RAB33A: variants seen among roughly 807,000 people sequenced by gnomAD.
RAB33A encodes RAB33A, member RAS oncogene family.
RAB33A carries 6 observed loss-of-function variants against 12.0 expected under a neutral mutation model. That is an observed-to-expected ratio of 0.50 (90% confidence interval 0.27 to 0.99). The LOEUF is 0.99. RAB33A is among the 50% of genes least tolerant of loss of function. The probability of loss-of-function intolerance (pLI) is 0.11; values close to 1 mark genes in which losing one functional copy is unlikely to be tolerated. For synonymous variants in RAB33A, 70 were observed against 82.4 expected (o/e 0.85, Z 0.81); for missense variants, 109 against 192.0 (o/e 0.57, Z 2.55).
chrX:130,146,099 C>T, the RAB33A span, among the ~76,000 whole-genome samples: 4 of 111,364 alleles, frequency 3.6e-5, no homozygotes, highest in Non-Finnish European at 7.5e-5. Context: ...GAAGACTCTG[C>T]CTCAAGCAGT....
chrX:130,165,651 G>C, the RAB33A span: 5 of 1,192,289 alleles, frequency 4.2e-6, no homozygotes, highest in Non-Finnish European at 5.7e-6. Context: ...CTCCACACCG[G>C]AACATTTCGG....
chrX:130,140,020 G>T, the RAB33A span: 1 of 543,013 alleles, frequency 1.8e-6, no homozygotes, highest in Non-Finnish European at 3.2e-6. Flanking sequence ...TTTGCCTTCA[G>T]CTTGCCTCAC....
At chrX:130,158,604 G>C in the RAB33A span, among the ~76,000 whole-genome samples, 1 of 107,271 alleles carries the variant, frequency 9.3e-6, no homozygotes, top group Non-Finnish European at 1.9e-5. Flanking sequence ...GTCTAGAGCA[G>C]GTATATCCTA....
chrX:130,182,251 T>TATATATAACATATATGTAAC (rs2031739542), intron 1 of RAB33A, among the ~76,000 whole-genome samples: 1 of 100,672 alleles, frequency 9.9e-6, no homozygotes, highest in African/African-American at 3.6e-5. Context: ...ACATATACAC[T>TATATATAACATATATGTAAC]ATATATAACA....
chrX:130,126,443 G>A, the RAB33A span, among the ~76,000 whole-genome samples: 30 of 108,490 alleles, frequency 2.8e-4, no homozygotes, highest in Admixed American at 3.0e-3. Context: ...AGTGAGCTGA[G>A]ATCACCCACT....
chrX:130,156,576 G>C, the RAB33A span: 36 of 1,209,501 alleles, frequency 3.0e-5, no homozygotes, highest in Non-Finnish European at 3.8e-5. Context: ...GAGTTCTAGA[G>C]GAACATGCCA....
chrX:130,152,241 G>C, the RAB33A span, among the ~76,000 whole-genome samples: 6 of 112,034 alleles, frequency 5.4e-5, no homozygotes, highest in Non-Finnish European at 1.1e-4. Context: ...TCCCAAAATA[G>C]CCTAAGCCCA....
upstream of RAB33A, among the ~76,000 whole-genome samples, chrX:130,170,470 G>C (rs191800338): frequency 2.1e-4 from 24 of 112,453 alleles, no homozygotes; most frequent in African/African-American, 7.4e-4. Flanking sequence ...TGTAGGGGGA[G>C]AGGTAAAGTC....
the RAB33A span, chrX:130,131,869 G>T: frequency 8.6e-7 from 1 of 1,159,235 alleles, no homozygotes; most frequent in South Asian, 1.9e-5. Context: ...TATTCTCCAT[G>T]ACACTGCATT....
the RAB33A span, among the ~76,000 whole-genome samples, chrX:130,161,396 A>C: frequency 9.4e-6 from 1 of 106,936 alleles, no homozygotes; most frequent in Non-Finnish European, 1.9e-5. Flanking sequence ...CTGTAATCCC[A>C]GCTACTCGGG....
the RAB33A span, among the ~76,000 whole-genome samples, chrX:130,134,652 G>A: frequency 3.6e-5 from 4 of 109,902 alleles, no homozygotes; most frequent in Non-Finnish European, 5.7e-5. Flanking sequence ...CAGATTAAAG[G>A]AGTCAAGTAT....
At chrX:130,143,140 TTCC>T in the RAB33A span, among the ~76,000 whole-genome samples, 1 of 111,419 alleles carries the variant, frequency 9.0e-6, no homozygotes, top group African/African-American at 3.3e-5. Flanking sequence ...TATCCTTGCC[TTCC>T]TCCTCTTCTC....
At chrX:130,136,797 G>A in the RAB33A span, 1 of 1,118,380 alleles carries the variant, frequency 8.9e-7, no homozygotes, top group Non-Finnish European at 1.2e-6. Context: ...AAGTAGGAAA[G>A]CTGACCAGCG....
At chrX:130,117,162 C>T in the RAB33A span, among the ~76,000 whole-genome samples, 1 of 111,878 alleles carries the variant, frequency 8.9e-6, no homozygotes, top group Admixed American at 9.4e-5. Context: ...TGCAGTGAGC[C>T]GAGATTGTGC....
chrX:130,176,940 T>C (rs1398387962), intron 1 of RAB33A, among the ~76,000 whole-genome samples: 1 of 112,640 alleles, frequency 8.9e-6, no homozygotes, highest in Non-Finnish European at 1.9e-5. Context: ...GCCTCATCTA[T>C]AGAAAGATGC....
At chrX:130,152,829 T>C in the RAB33A span, among the ~76,000 whole-genome samples, 236 of 112,185 alleles carry the variant, frequency 2.1e-3, no homozygotes, top group African/African-American at 6.7e-3. Flanking sequence ...TGTGGTTGCA[T>C]GCCATTAGTG....
At chrX:130,167,435 G>A (rs1275498637), upstream of RAB33A, among the ~76,000 whole-genome samples, 1 of 113,100 alleles carries the variant, frequency 8.8e-6, no homozygotes, top group Non-Finnish European at 1.9e-5. Flanking sequence ...CAATGATAGA[G>A]AGTACATACT....
the RAB33A span, among the ~76,000 whole-genome samples, chrX:130,117,030 G>A: frequency 7.2e-5 from 8 of 111,823 alleles, no homozygotes; most frequent in East Asian, 2.8e-4. Context: ...TGGCTAACAT[G>A]GTGAAACCCT....
chrX:130,128,044 T>A, the RAB33A span, among the ~76,000 whole-genome samples: 4 of 111,637 alleles, frequency 3.6e-5, no homozygotes, highest in Non-Finnish European at 5.6e-5. Context: ...ATGATCACAT[T>A]TGAGTAAACC....
Sources: allele counts gnomAD v4.1 joint callset (sites outside exome capture counted in the v4.1 genomes callset), GRCh38; gene constraint gnomAD v4.1.1; transcripts MANE v1.5; gene names NCBI Gene and HGNC (gene_info 2026-07-23, HGNC 2026-07-21).